NKAIN2: variants seen among roughly 807,000 people sequenced by gnomAD.
NKAIN2 encodes the protein sodium/potassium-transporting ATPase subunit beta-1-interacting protein 2.
In NKAIN2, 14 loss-of-function variants were observed where a neutral mutation model predicts 32.6. That is an observed-to-expected ratio of 0.43 (90% confidence interval 0.28 to 0.67). The LOEUF (loss-of-function observed/expected upper bound fraction) is 0.67. Ranked by LOEUF, NKAIN2 falls within the 30% of genes least tolerant of loss-of-function variation. The pLI is 0.17. For synonymous variants in NKAIN2, 80 were observed against 87.2 expected, an observed-to-expected ratio of 0.92 and a Z score of 0.46; for missense variants, 198 against 258.3, an observed-to-expected ratio of 0.77 and a Z score of 1.60.
At chr6:124,221,055 T>C (rs1437152151) in intron 1 of NKAIN2, among the ~76,000 whole-genome samples, 1 of 151,974 alleles carries the variant, frequency 6.6e-6, no homozygotes, top group Non-Finnish European at 1.5e-5. Flanking sequence ...AAAATCAGCT[T>C]TGAAATACCC....
intron 3 of NKAIN2, among the ~76,000 whole-genome samples, chr6:124,359,100 T>C (rs1799142311): frequency 6.6e-6 from 1 of 152,184 alleles, no homozygotes; most frequent in South Asian, 2.1e-4. Flanking sequence ...CAGCATTATT[T>C]CTGAGGGCCC....
In NKAIN2 at chr6:123,846,844, G is replaced by GCGCACA. The variant is rs141897220; in HGVS notation, c.54+42591_54+42592insGCACAC. The stretch of plus-strand genomic sequence containing the variant: ...GCCACCGCCACACACACGCACGCGC[G>GCGCACA]CACACACACACACACACATAACACA... On this transcript the variant is annotated intron_variant, in intron 1 of 6. Coordinates refer to ENST00000368417, the MANE Select transcript of NKAIN2 (RefSeq NM_001040214.3). Among the ~76,000 whole-genome samples the GCGCACA allele has an allele frequency of 3.6e-3, 536 of 150,732 alleles. 3 individuals carry two copies. The highest frequency in any genetic ancestry group is 6.1e-3 in the Non-Finnish European group (415 of 67,676).
chr6:124,472,686 GAGAAAGGAGA>G (rs987481459), intron 3 of NKAIN2, among the ~76,000 whole-genome samples: 3 of 148,750 alleles, frequency 2.0e-5, no homozygotes, highest in African/African-American at 5.0e-5. Context: ...TGATTATTGT[GAGAAAGGAGA>G]AGAAAGGAGA....
At chr6:124,581,453 A>C (rs977529169) in intron 3 of NKAIN2, among the ~76,000 whole-genome samples, 2 of 149,950 alleles carry the variant, frequency 1.3e-5, no homozygotes, top group African/African-American at 4.9e-5. Context: ...CTCAAAAAAA[A>C]AAAAAAAAAA....
chr6:124,561,970 T>C (rs1005895915), intron 3 of NKAIN2, among the ~76,000 whole-genome samples: 5 of 152,224 alleles, frequency 3.3e-5, no homozygotes, highest in Non-Finnish European at 5.9e-5. Flanking sequence ...GATCTCATAT[T>C]TTATCTCTGT....
chr6:124,388,497 A>G (rs905199133), intron 3 of NKAIN2, among the ~76,000 whole-genome samples: 1 of 152,036 alleles, frequency 6.6e-6, no homozygotes, highest in Non-Finnish European at 1.5e-5. Context: ...ACAGTAATGT[A>G]ATCTACCTCT....
intron 1 of NKAIN2, among the ~76,000 whole-genome samples, chr6:124,227,863 T>C (rs1523983): frequency 0.7 from 106,994 of 151,954 alleles, 37,837 homozygotes; most frequent in South Asian, 0.76. Flanking sequence ...TGTCTTAGTT[T>C]GGGATGCTAT....
chr6:124,194,409 T>C (rs1790202762), intron 1 of NKAIN2, among the ~76,000 whole-genome samples: 1 of 152,218 alleles, frequency 6.6e-6, no homozygotes, highest in Admixed American at 6.5e-5. Context: ...CATCTTTCAT[T>C]GACGGCATAC....
At chr6:124,012,865 G>A (rs775107918) in intron 1 of NKAIN2, among the ~76,000 whole-genome samples, 2 of 151,578 alleles carry the variant, frequency 1.3e-5, no homozygotes, top group Non-Finnish European at 2.9e-5. Context: ...TGGAAGTGTA[G>A]ATCATTTATA....
intron 1 of NKAIN2, among the ~76,000 whole-genome samples, chr6:124,191,644 TATA>T (rs1308503199): frequency 1.3e-5 from 2 of 152,174 alleles, no homozygotes; most frequent in African/African-American, 4.8e-5. Context: ...TGTAAATAGA[TATA>T]ATGAGAGCAG....
chr6:124,671,878 C>T (rs1238534982), intron 4 of NKAIN2, among the ~76,000 whole-genome samples: 1 of 151,846 alleles, frequency 6.6e-6, no homozygotes, highest in Non-Finnish European at 1.5e-5. Context: ...TTATAGATGA[C>T]TCTGGAGGCA....
intron 1 of NKAIN2, among the ~76,000 whole-genome samples, chr6:124,075,537 G>A (rs1221997776): frequency 6.6e-6 from 1 of 152,108 alleles, no homozygotes; most frequent in Non-Finnish European, 1.5e-5. Flanking sequence ...TGAATTCTAA[G>A]GCTCAATGAT....
At chr6:124,570,285 A>G (rs551909510) in intron 3 of NKAIN2, among the ~76,000 whole-genome samples, 1 of 152,272 alleles carries the variant, frequency 6.6e-6, no homozygotes, top group South Asian at 2.1e-4. Context: ...CCATTTTTTG[A>G]GGAGAAATTC....
intron 5 of NKAIN2, among the ~76,000 whole-genome samples, chr6:124,808,903 T>C (rs937112913): frequency 2.0e-4 from 30 of 152,048 alleles, no homozygotes; most frequent in Non-Finnish European, 4.0e-4. Context: ...GAGAATAAAA[T>C]ACCTGGGAAT....
chr6:124,001,800 A>AATATATATATATATATATATATAT (rs10567719), intron 1 of NKAIN2, among the ~76,000 whole-genome samples: 2 of 135,142 alleles, frequency 1.5e-5, no homozygotes, highest in Admixed American at 7.5e-5. Context: ...CTTAGTTCTA[A>AATATATATATATATATATATATAT]ATATATATAT....
intron 2 of NKAIN2, among the ~76,000 whole-genome samples, chr6:124,308,560 T>G (rs1333189164): frequency 6.6e-6 from 1 of 152,232 alleles, no homozygotes; most frequent in East Asian, 1.9e-4. Flanking sequence ...TTGTTTTTCT[T>G]AACAGTAAAG....
intron 3 of NKAIN2, among the ~76,000 whole-genome samples, chr6:124,424,817 A>G (rs902640279): frequency 5.3e-5 from 8 of 152,178 alleles, no homozygotes; most frequent in Admixed American, 3.3e-4. Flanking sequence ...TCTATGATGC[A>G]CACAGCTTAT....
chr6:124,795,494 C>T (rs1390413440), intron 5 of NKAIN2, among the ~76,000 whole-genome samples: 1 of 152,084 alleles, frequency 6.6e-6, no homozygotes, highest in Non-Finnish European at 1.5e-5. Context: ...ACTTTTTTCC[C>T]TTATGTATCC....
In NKAIN2 at chr6:124,452,195, G is replaced by GA. The variant is rs11300457; in HGVS notation, c.273+96864dup. Among the ~76,000 whole-genome samples, 486 of 133,294 alleles carry GA rather than the reference G, an allele frequency of 3.6e-3. 4 individuals carry two copies. Among genetic ancestry groups the GA allele is most frequent in the African/African-American group, 9.5e-3 (327 of 34,558 alleles). The allele number at this position is 133,294 out of a possible 152,430, so 87.4% of individuals were successfully genotyped here. A position where few individuals can be genotyped will look rare whatever the true frequency, so the allele number is the denominator to read the frequency against. On this transcript the variant is annotated intron_variant, in intron 3 of 6. Coordinates refer to ENST00000368417, the MANE Select transcript of NKAIN2 (RefSeq NM_001040214.3). ...GGGTGACAGAGCAAGACATCATCTC[G>GA]AAAAAAAAAAAAAAAACTGACGTAA...
Sources: gnomAD v4.1 joint callset for allele counts (sites outside exome capture counted in the v4.1 genomes callset) on GRCh38, gnomAD v4.1.1 for gene constraint, MANE v1.5 for transcripts, NCBI Gene and HGNC (gene_info 2026-07-23, HGNC 2026-07-21) for gene names.